Variants in PCED1B observed in about 807,000 individuals in gnomAD.
PCED1B encodes PC-esterase domain containing 1B.
For missense variants in PCED1B, 573 were observed against 573.9 expected, an observed-to-expected ratio of 1.00 and a Z score of 0.02; for synonymous variants, 251 against 246.1, an observed-to-expected ratio of 1.02 and a Z score of -0.19.
chr12:47,113,690 ATT>A (rs796786223), intron 2 of PCED1B, among the ~76,000 whole-genome samples: 1 of 147,808 alleles, frequency 6.8e-6, no homozygotes, highest in African/African-American at 2.5e-5. Flanking sequence ...CCAAAATGCA[ATT>A]TTTTTTTTTT....
In PCED1B at chr12:47,188,926, C is replaced by T. The variant is rs75930520; in HGVS notation, c.-525-27296C>T. Among the ~76,000 whole-genome samples, 990 of 152,228 alleles carry T rather than the reference C, an allele frequency of 6.5e-3. 4 individuals are homozygous for T. The highest frequency in any genetic ancestry group is 0.023 in the African/African-American group (936 of 41,538). ...GTTGCTTCTTATTGCAAAATGCCCC[C>T]ACATGGCATTTTGCCCCATTTTCAT... On this transcript the variant is annotated intron_variant, in intron 2 of 3. Transcript: ENST00000546455.
intron 2 of PCED1B, among the ~76,000 whole-genome samples, chr12:47,161,200 G>A (rs1241413968): frequency 2.0e-5 from 3 of 152,168 alleles, no homozygotes; most frequent in Non-Finnish European, 4.4e-5. Context: ...AGCAGTCAAA[G>A]ACAATCTTTG....
chr12:47,183,619 T>A (rs1420007295), intron 2 of PCED1B, among the ~76,000 whole-genome samples: 1 of 152,106 alleles, frequency 6.6e-6, no homozygotes, highest in Non-Finnish European at 1.5e-5. Flanking sequence ...ATATCACCCA[T>A]TGAACGGGTA....
chr12:47,089,459 TAC>T lies in PCED1B; in HGVS notation c.-609+9736_-609+9737del, dbSNP rs1565739945. Among the ~76,000 whole-genome samples, 2 of 58,946 alleles carry T rather than the reference TAC, an allele frequency of 3.4e-5. 1 individual carries two copies. Among genetic ancestry groups the T allele is most frequent in the Admixed American group, 4.0e-4 (2 of 4,976 alleles). The allele number at this position is 58,946 out of a possible 152,430, so 38.7% of individuals were successfully genotyped here. A position where few individuals can be genotyped will look rare whatever the true frequency, so the allele number is the denominator to read the frequency against. ...AAGACTCCATCTCAAAAAAAAAAAA[TAC>T]ATATATATATATATATATATATATA... On this transcript the variant is annotated intron_variant, in intron 1 of 3. Coordinates refer to ENST00000546455, the MANE Select transcript of PCED1B (RefSeq NM_138371.3).
intron 2 of PCED1B, among the ~76,000 whole-genome samples, chr12:47,180,985 A>T (rs1197241812): frequency 8.4e-6 from 1 of 118,378 alleles, no homozygotes; most frequent in Admixed American, 1.0e-4. Flanking sequence ...TTTCAACTGT[A>T]TTCTCTTTTT....
chr12:47,217,434 A>AG (rs1943296718), intron 3 of PCED1B, among the ~76,000 whole-genome samples: 1 of 113,002 alleles, frequency 8.8e-6, no homozygotes, highest in Non-Finnish European at 1.7e-5. Context: ...AAAGAAGAAA[A>AG]AAAAAGAAAG....
intron 2 of PCED1B, among the ~76,000 whole-genome samples, chr12:47,180,602 T>A (rs2137599571): frequency 6.6e-6 from 1 of 152,196 alleles, no homozygotes; most frequent in Non-Finnish European, 1.5e-5. Context: ...ACAAATGGAA[T>A]CTAGTTAAAT....
At chr12:47,211,931 C>T (rs960977190) in intron 2 of PCED1B, among the ~76,000 whole-genome samples, 5 of 151,402 alleles carry the variant, frequency 3.3e-5, no homozygotes, top group African/African-American at 1.2e-4. Flanking sequence ...AAAAATTAGC[C>T]GGGCGTAGTG....
At chr12:47,200,630 A>G (rs1369534511) in intron 2 of PCED1B, among the ~76,000 whole-genome samples, 1 of 152,234 alleles carries the variant, frequency 6.6e-6, no homozygotes, top group Non-Finnish European at 1.5e-5. Context: ...TGAGCTAAAG[A>G]CTTATGACCA....
chr12:47,106,904 T>C (rs1211565421), intron 2 of PCED1B, among the ~76,000 whole-genome samples: 1 of 152,114 alleles, frequency 6.6e-6, no homozygotes, highest in Non-Finnish European at 1.5e-5. Context: ...CAGCCTTCCC[T>C]TTGTGGCACC....
chr12:47,109,355 C>CT (rs66532090), intron 2 of PCED1B, among the ~76,000 whole-genome samples: 13 of 147,782 alleles, frequency 8.8e-5, no homozygotes, highest in African/African-American at 1.7e-4. Flanking sequence ...ACTTGAAAAA[C>CT]TTTTTTTTTT....
chr12:47,155,339 T>A (rs1018138916), intron 2 of PCED1B, among the ~76,000 whole-genome samples: 1 of 152,234 alleles, frequency 6.6e-6, no homozygotes, highest in African/African-American at 2.4e-5. Context: ...CAATTAAATA[T>A]GACACATTGT....
At chr12:47,195,150 G>C (rs555665601) in intron 2 of PCED1B, among the ~76,000 whole-genome samples, 1 of 151,996 alleles carries the variant, frequency 6.6e-6, no homozygotes, top group East Asian at 1.9e-4. Context: ...CCAACAAGGC[G>C]AAATTCCGTC....
At chr12:47,181,220 A>G (rs1202788544) in intron 2 of PCED1B, among the ~76,000 whole-genome samples, 1 of 151,844 alleles carries the variant, frequency 6.6e-6, no homozygotes, top group Non-Finnish European at 1.5e-5. Flanking sequence ...CCTGGCCTCA[A>G]GCAATCCTCC....
At chr12:47,100,933 G>A (rs1465074161) in intron 1 of PCED1B, among the ~76,000 whole-genome samples, 1 of 152,122 alleles carries the variant, frequency 6.6e-6, no homozygotes, top group East Asian at 1.9e-4. Flanking sequence ...GCCGGGCATG[G>A]TGATGCATGC....
chr12:47,169,813 C>A (rs907891703), intron 2 of PCED1B, among the ~76,000 whole-genome samples: 2 of 150,880 alleles, frequency 1.3e-5, no homozygotes, highest in African/African-American at 4.9e-5. Flanking sequence ...TATTATCATG[C>A]CGCTGTATTT....
chr12:47,215,517 G>T (rs1379582909), intron 2 of PCED1B, among the ~76,000 whole-genome samples: 1 of 151,850 alleles, frequency 6.6e-6, no homozygotes. Context: ...GCCTCCCAAA[G>T]TGCTGGGATT....
chr12:47,146,582 G>A (rs969107659), intron 2 of PCED1B, among the ~76,000 whole-genome samples: 5 of 152,176 alleles, frequency 3.3e-5, no homozygotes, highest in African/African-American at 9.7e-5. Flanking sequence ...ATCAGATTGA[G>A]GCAAGACCCT....
chr12:47,127,359 T>G (rs1163651080), intron 2 of PCED1B, among the ~76,000 whole-genome samples: 4 of 146,712 alleles, frequency 2.7e-5, no homozygotes, highest in Non-Finnish European at 3.0e-5. Flanking sequence ...TATCTTTCTG[T>G]TTTTTATTTC....
Sources: gnomAD v4.1 joint callset for allele counts (sites outside exome capture counted in the v4.1 genomes callset) on GRCh38, gnomAD v4.1.1 for gene constraint, MANE v1.5 for transcripts, NCBI Gene and HGNC (gene_info 2026-07-23, HGNC 2026-07-21) for gene names.